The following AK3 variants were observed in gnomAD, a reference collection of about 807,000 sequenced individuals.
AK3 encodes adenylate kinase 3.
AK3 carries 27 observed loss-of-function variants against 23.7 expected under a neutral mutation model. The observed-to-expected ratio is 1.14, with a 90% confidence interval of 0.84 to 1.57. AK3 has a LOEUF of 1.57. Ranked by LOEUF, AK3 falls within the 40% of genes most tolerant of loss-of-function variation. AK3 has a pLI of 0.00. For synonymous variants in AK3, 159 were observed against 116.0 expected, an observed-to-expected ratio of 1.37 and a Z score of -2.38; for missense variants, 406 against 285.6, an observed-to-expected ratio of 1.42 and a Z score of -3.04.
chr9:4,711,421 G>T lies in AK3; in HGVS notation c.*1555C>A, dbSNP rs1026394817. ...AAGGCATTATAGAAAGTTTTATAAAGAATGAAGTGTTTCCTATATTTCTTT... is the reference window on the plus strand; with the variant it reads ...AAGGCATTATAGAAAGTTTTATAAATAATGAAGTGTTTCCTATATTTCTTT... On this transcript the variant is annotated 3_prime_UTR_variant, in exon 5 of 5. Coordinates refer to ENST00000381809, the MANE Select transcript of AK3 (RefSeq NM_016282.4). 6.6e-6 allele frequency: 1 copy of T among 152,594 alleles called. No homozygotes were observed. Among genetic ancestry groups the T allele is most frequent in the Non-Finnish European group, 1.5e-5 (1 of 68,004 alleles). The allele number at this position is 152,594 out of a possible 1,614,324, so 9.5% of individuals were successfully genotyped here.
chr9:4,741,101 G>T lies in AK3; in HGVS notation c.-14C>A. The T allele has an allele frequency of 6.6e-7, 1 of 1,506,366 alleles. No homozygotes were observed. The highest frequency in any genetic ancestry group is 8.9e-7 in the Non-Finnish European group (1 of 1,127,622). The allele number at this position is 1,506,366 out of a possible 1,614,324, so 93.3% of individuals were successfully genotyped here. A position where few individuals can be genotyped will look rare whatever the true frequency, so the allele number is the denominator to read the frequency against. On this transcript the variant is annotated 5_prime_UTR_variant, in exon 1 of 5. Coordinates refer to ENST00000381809, the MANE Select transcript of AK3 (RefSeq NM_016282.4). ...GGACGCCCCCATGGCCGCAGACTGAGGCCCGCACCGCGCGGGTACCAGGGC... is the reference window on the plus strand; with the variant it reads ...GGACGCCCCCATGGCCGCAGACTGATGCCCGCACCGCGCGGGTACCAGGGC...
chr9:4,719,466 T>G (rs1357286411), intron 2 of AK3, among the ~76,000 whole-genome samples, 159 bp from the exon 3 acceptor site: 1 of 152,148 alleles, frequency 6.6e-6, no homozygotes, highest in Non-Finnish European at 1.5e-5. Context: ...ACAGCTGCGG[T>G]GCAACTGTGA....
intron 4 of AK3, among the ~76,000 whole-genome samples, chr9:4,716,312 A>T (rs1269992253): frequency 6.6e-6 from 1 of 152,222 alleles, no homozygotes; most frequent in Non-Finnish European, 1.5e-5. Context: ...CTAATTGTCC[A>T]TGTGGACCAA....
At position 4,709,986 on chromosome 9, in the gene AK3, A is replaced by G. The variant is rs986625960; in HGVS notation, c.*2990T>C. On this transcript the variant is annotated 3_prime_UTR_variant, in exon 5 of 5. Transcript: ENST00000381809. ...TTGTCACAAGTTATGAGGATCCAAA[A>G]TATCTTGCTAGAATGCCATTATATA... 10 of 152,174 alleles carry G rather than the reference A, an allele frequency of 6.6e-5. No individual in the cohort carries two copies. The highest frequency in any genetic ancestry group is 3.2e-3 in the Middle Eastern group (1 of 316). The allele number at this position is 152,174 out of a possible 1,614,324, so 9.4% of individuals were successfully genotyped here. A position where few individuals can be genotyped will look rare whatever the true frequency, so the allele number is the denominator to read the frequency against.
At chr9:4,726,891 G>T (rs772080723) in intron 1 of AK3, among the ~76,000 whole-genome samples, 7 of 151,988 alleles carry the variant, frequency 4.6e-5, no homozygotes, top group Admixed American at 6.6e-5. Flanking sequence ...ACTCCTTGAT[G>T]CGTGGGCTAC....
At chr9:4,741,261 C>A (rs2130923667), upstream of AK3, 1 of 632,830 alleles carries the variant, frequency 1.6e-6, no homozygotes, top group Non-Finnish European at 2.3e-6. Flanking sequence ...CCAGACAGCG[C>A]GGGACCCCGC....
intron 2 of AK3, among the ~76,000 whole-genome samples, chr9:4,721,773 A>G (rs1841903234): frequency 6.6e-6 from 1 of 152,066 alleles, no homozygotes; most frequent in South Asian, 2.1e-4. Context: ...TCAACTTCTA[A>G]TTTACCTCTT....
chr9:4,741,476 G>T (rs1383725639), upstream of AK3, among the ~76,000 whole-genome samples: 1 of 145,378 alleles, frequency 6.9e-6, no homozygotes, highest in African/African-American at 2.6e-5. Flanking sequence ...ACCCCCACGC[G>T]CCCTCCACTC....
intron 1 of AK3, 50 bp downstream of exon 1, chr9:4,740,887 G>T: frequency 2.1e-6 from 3 of 1,445,340 alleles, no homozygotes; most frequent in Non-Finnish European, 2.7e-6. Flanking sequence ...CGCCCGCGAA[G>T]TCCGACCCGG....
intron 4 of AK3, 30 bp downstream of exon 4, chr9:4,718,389 C>G: frequency 6.6e-7 from 1 of 1,523,450 alleles, no homozygotes; most frequent in Non-Finnish European, 9.1e-7. Context: ...CACCACTACG[C>G]AAGAGAAGTT....
At chr9:4,730,294 G>A (rs932153611) in intron 1 of AK3, among the ~76,000 whole-genome samples, 2 of 151,942 alleles carry the variant, frequency 1.3e-5, no homozygotes, top group Non-Finnish European at 2.9e-5. Context: ...AAAAACCACT[G>A]AATCATACAC....
chr9:4,736,114 C>CAA lies in AK3; in HGVS notation c.151+4821_151+4822dup, dbSNP rs771506489. Among the ~76,000 whole-genome samples, 407 of 48,954 alleles carry CAA rather than the reference C, an allele frequency of 8.3e-3. 4 individuals are homozygous for CAA. The highest frequency in any genetic ancestry group is 0.028 in the African/African-American group (387 of 13,654). The allele number at this position is 48,954 out of a possible 152,430, so 32.1% of individuals were successfully genotyped here. On this transcript the variant is annotated intron_variant, in intron 1 of 4. Transcript: ENST00000381809. ...TAGGCAACAGAGCGAGACTCCATCT[C>CAA]AAAAAAAAAAAAAAAAAAAAGTTGA...
At position 4,713,105 on chromosome 9, in the gene AK3, G is replaced by A. The variant is rs751661410; in HGVS notation, c.564-9C>T. On this transcript the variant is annotated splice_polypyrimidine_tract_variant and intron_variant, in intron 4 of 4. Coordinates refer to ENST00000381809, the MANE Select transcript of AK3 (RefSeq NM_016282.4). Reference sequence around the variant, plus strand: ...CCAGCACCCCTTTTTTCCTAAAGATGAAACAAAAACAAAACAAACACACAC... The same window carrying A: ...CCAGCACCCCTTTTTTCCTAAAGATAAAACAAAAACAAAACAAACACACAC... 1.1e-5 allele frequency: 18 copies of A among 1,612,356 alleles called. No homozygotes were observed. Among genetic ancestry groups the A allele is most frequent in the Non-Finnish European group, 1.5e-5 (18 of 1,179,228 alleles).
chr9:4,722,481 G>T (rs1272645039), intron 2 of AK3, 25 bp downstream of exon 2: 4 of 1,613,942 alleles, frequency 2.5e-6, no homozygotes, highest in Non-Finnish European at 3.4e-6. Context: ...TTGGGCAGGT[G>T]AAATGCTCAT....
upstream of AK3, chr9:4,741,262 G>A (rs1045268207): frequency 1.4e-5 from 9 of 635,670 alleles, no homozygotes; most frequent in African/African-American, 1.9e-5. Context: ...CAGACAGCGC[G>A]GGACCCCGCT....
intron 4 of AK3, 72 bp from the exon 5 acceptor site, chr9:4,713,168 T>C (rs1841609500): frequency 6.4e-7 from 1 of 1,561,088 alleles, no homozygotes; most frequent in Admixed American, 1.9e-5. Flanking sequence ...TCAAAGCCTT[T>C]CTGTAAATAA....
chr9:4,723,830 T>C (rs1841959637), intron 1 of AK3, among the ~76,000 whole-genome samples: 1 of 152,230 alleles, frequency 6.6e-6, no homozygotes, highest in African/African-American at 2.4e-5. Context: ...AAGACTCTTG[T>C]TCTTTTGCTT....
chr9:4,714,010 A>ACGCCTATGCATATACACG (rs879908552), intron 4 of AK3, among the ~76,000 whole-genome samples: 6 of 2,536 alleles, frequency 2.4e-3, no homozygotes, highest in East Asian at 0.021. Flanking sequence ...ACACATATAC[A>ACGCCTATGCATATACACG]CCTACACATA....
At chr9:4,723,847 T>C (rs1225699324) in intron 1 of AK3, among the ~76,000 whole-genome samples, 1 of 152,242 alleles carries the variant, frequency 6.6e-6, no homozygotes, top group Non-Finnish European at 1.5e-5. Context: ...GCTTTTATTT[T>C]ACTCCTCTTT....
Sources: allele counts gnomAD v4.1 joint callset (sites outside exome capture counted in the v4.1 genomes callset), GRCh38; gene constraint gnomAD v4.1.1; transcripts MANE v1.5; gene names NCBI Gene and HGNC (gene_info 2026-07-23, HGNC 2026-07-21).